The following RNF214 variants were observed in gnomAD, a reference collection of about 807,000 sequenced individuals.
RNF214 encodes the protein ring finger protein 214.
RNF214 carries 25 observed loss-of-function variants against 75.9 expected under a neutral mutation model. The ratio of observed to expected loss-of-function variants is 0.33; its 90% CI spans 0.24 to 0.46. RNF214 has a LOEUF of 0.46. RNF214 is among the 20% of genes least tolerant of loss of function. The pLI is 1.00. For synonymous variants in RNF214, 314 were observed against 308.8 expected, an observed-to-expected ratio of 1.02 and a Z score of -0.18; for missense variants, 725 against 857.5, an observed-to-expected ratio of 0.85 and a Z score of 1.93.
chr11:117,239,813 A>G lies in RNF214; in HGVS notation c.631A>G (p.Thr211Ala), dbSNP rs770688585. The G allele has an allele frequency of 1.3e-6, 2 of 1,562,354 alleles. No homozygotes were observed. Among genetic ancestry groups the G allele is most frequent in the South Asian group, 1.1e-5 (1 of 89,968 alleles). The change falls in exon 4 of 15, where the codon ACA becomes GCA. Residue 211 changes from threonine (T) to alanine (A), a missense_variant. Coordinates refer to ENST00000300650, the MANE Select transcript of RNF214 (RefSeq NM_207343.4). ...QNIAVQTDFK[T>A]ADSEVNTDQD... ...TTTTCCTTTATAGACTGACTTTAAG[A>G]CAGCTGATTCAGAGGTAAACACAGA...
intron 6 of RNF214, among the ~76,000 whole-genome samples, chr11:117,279,161 A>G (rs1479503875): frequency 1.3e-5 from 2 of 152,202 alleles, no homozygotes; most frequent in Non-Finnish European, 2.9e-5. Context: ...TTCAGGACCC[A>G]TACTAAAAGA....
chr11:117,239,519 A>G (rs1397307948), intron 3 of RNF214: 1 of 477,300 alleles, frequency 2.1e-6, no homozygotes, highest in Non-Finnish European at 3.8e-6. Context: ...AGGAGAAAGT[A>G]TGGGCACAAC....
chr11:117,240,907 G>C (rs112604557), intron 4 of RNF214, among the ~76,000 whole-genome samples: 5 of 151,892 alleles, frequency 3.3e-5, no homozygotes, highest in Non-Finnish European at 7.4e-5. Flanking sequence ...GACCAGCCAC[G>C]GTGGCTCACG....
intron 7 of RNF214, 59 bp from the exon 8 acceptor site, chr11:117,280,112 A>T: frequency 1.4e-6 from 2 of 1,469,280 alleles, no homozygotes; most frequent in Non-Finnish European, 1.9e-6. Context: ...TTCACTACCT[A>T]GAGGTACCTT....
chr11:117,261,852 G>A (rs2033671162), intron 6 of RNF214, among the ~76,000 whole-genome samples: 1 of 151,664 alleles, frequency 6.6e-6, no homozygotes, highest in Admixed American at 6.6e-5. Flanking sequence ...CACCATGTTG[G>A]CCAGGCTGGT....
chr11:117,282,916 C>T, intron 13 of RNF214, 66 bp downstream of exon 13: 1 of 1,281,076 alleles, frequency 7.8e-7, no homozygotes, highest in Non-Finnish European at 1.1e-6. Flanking sequence ...AGTGGGTTTA[C>T]AGGTGGAGTG....
chr11:117,240,787 A>T (rs2033057714), intron 4 of RNF214, among the ~76,000 whole-genome samples: 1 of 152,188 alleles, frequency 6.6e-6, no homozygotes, highest in Non-Finnish European at 1.5e-5. Flanking sequence ...CACGCCTGTA[A>T]TCCTAGCACT....
intron 6 of RNF214, among the ~76,000 whole-genome samples, chr11:117,266,079 A>G (rs2033789896): frequency 6.6e-6 from 1 of 152,232 alleles, no homozygotes; most frequent in African/African-American, 2.4e-5. Context: ...AGTCTATTGT[A>G]TGAATATTTC....
At chr11:117,284,432 T>A (rs961773604) in intron 14 of RNF214, among the ~76,000 whole-genome samples, 6 of 152,212 alleles carry the variant, frequency 3.9e-5, no homozygotes, top group Admixed American at 1.3e-4. Flanking sequence ...TAAGAAAAAT[T>A]CCTGAATAAG....
At chr11:117,271,655 G>A (rs2033912706) in intron 6 of RNF214, among the ~76,000 whole-genome samples, 1 of 152,194 alleles carries the variant, frequency 6.6e-6, no homozygotes, top group Admixed American at 6.5e-5. Flanking sequence ...GCTAGTATGT[G>A]TAGTAAACAT....
chr11:117,244,044 C>T (rs778595521), intron 4 of RNF214, among the ~76,000 whole-genome samples: 3 of 152,196 alleles, frequency 2.0e-5, no homozygotes, highest in South Asian at 2.1e-4. Context: ...TGCAGTGGCA[C>T]GATCTCAGCT....
intron 14 of RNF214, among the ~76,000 whole-genome samples, chr11:117,284,118 A>G (rs557859136): frequency 4.6e-5 from 7 of 152,194 alleles, no homozygotes; most frequent in Non-Finnish European, 1.0e-4. Context: ...AAAATTGACA[A>G]TGAGTGATAA....
At position 117,282,556 on chromosome 11, in the gene RNF214, A is replaced by G. The variant is rs1565349543; in HGVS notation, c.1845+20A>G. 6.2e-7 allele frequency: 1 copy of G among 1,612,732 alleles called. No homozygotes were observed. The highest frequency in any genetic ancestry group is 1.7e-5 in the Admixed American group (1 of 59,782). On this transcript the variant is annotated intron_variant, in intron 12 of 14. Coordinates refer to ENST00000300650, the MANE Select transcript of RNF214 (RefSeq NM_207343.4). ...ACTCAGGTGAGAAAAGCCACTTGGG[A>G]GAGAACTTAGGCATGTTGAGGGCTG... is the stretch of plus-strand genomic sequence containing the variant.
At chr11:117,256,760 A>C (rs969109785) in intron 6 of RNF214, among the ~76,000 whole-genome samples, 2 of 152,196 alleles carry the variant, frequency 1.3e-5, no homozygotes, top group Admixed American at 6.5e-5. Flanking sequence ...GGACTAACCC[A>C]GATTTGTGTG....
intron 6 of RNF214, among the ~76,000 whole-genome samples, chr11:117,247,386 T>TC (rs2033253389): frequency 6.6e-6 from 1 of 152,134 alleles, no homozygotes; most frequent in Admixed American, 6.6e-5. Context: ...TCCTAGCTAC[T>TC]TGGGAGGCTG....
At position 117,243,716 on chromosome 11, in the gene RNF214, T is replaced by C. The variant is rs547057230; in HGVS notation, c.679-729T>C. Among the ~76,000 whole-genome samples the C allele has an allele frequency of 2.0e-5, 3 of 152,212 alleles. No individual in the cohort carries two copies. In the East Asian group the frequency reaches 5.8e-4, roughly 29 times the overall value. On this transcript the variant is annotated intron_variant, in intron 4 of 14. Coordinates refer to ENST00000300650, the MANE Select transcript of RNF214 (RefSeq NM_207343.4). ...GTTTTCAGAAGCACTTCTATTTATT[T>C]ATTTATTATTGTTATTTTTTGGTAG...
At chr11:117,277,375 T>C (rs1389960490) in intron 6 of RNF214, among the ~76,000 whole-genome samples, 2 of 152,138 alleles carry the variant, frequency 1.3e-5, no homozygotes, top group Admixed American at 6.5e-5. Context: ...GGAAGTTAAT[T>C]TGGGGAAGCA....
In RNF214 at chr11:117,246,901, G is replaced by A; in HGVS notation, c.912G>A (p.Glu304=). 6.2e-7 allele frequency: 1 copy of A among 1,612,626 alleles called. No individual in the cohort carries two copies. Among genetic ancestry groups the A allele is most frequent in the Non-Finnish European group, 8.5e-7 (1 of 1,179,484 alleles). ...AGAAGAAGGAGTTTTTGCAGAAGGAGCAGGATCTGAAAGCTGAAATTGAGA... is the reference window on the plus strand; with the variant it reads ...AGAAGAAGGAGTTTTTGCAGAAGGAACAGGATCTGAAAGCTGAAATTGAGA... The part of the protein sequence containing the change: ...EKEKKEFLQK[E]QDLKAEIEKL... Residue 304 remains glutamate (E), a synonymous_variant, in exon 6 of 15, where the codon GAG becomes GAA. Coordinates refer to ENST00000300650, the MANE Select transcript of RNF214 (RefSeq NM_207343.4).
chr11:117,267,263 A>G (rs985170664), intron 6 of RNF214, among the ~76,000 whole-genome samples: 1 of 152,142 alleles, frequency 6.6e-6, no homozygotes, highest in African/African-American at 2.4e-5. Context: ...CTCGCTTGCC[A>G]GTTTTTGTTG....
Sources: allele counts gnomAD v4.1 joint callset (sites outside exome capture counted in the v4.1 genomes callset), GRCh38; gene constraint gnomAD v4.1.1; transcripts MANE v1.5; gene names NCBI Gene and HGNC (gene_info 2026-07-23, HGNC 2026-07-21).